HERC1: variants seen among roughly 807,000 people sequenced by gnomAD.
The protein encoded by HERC1 is HECT and RLD domain containing E3 ubiquitin protein ligase family member 1, also known as probable E3 ubiquitin-protein ligase HERC1.
Under a neutral mutation model 554.3 loss-of-function variants are expected in HERC1, and 160 were observed. That is an observed-to-expected ratio of 0.29 (90% CI 0.25 to 0.33). HERC1 has a LOEUF of 0.33. Ranked by LOEUF, HERC1 falls within the 10% of genes least tolerant of loss-of-function variation. HERC1 has a pLI of 1.00. For missense variants in HERC1, 4,919 were observed against 5,918.5 expected, an observed-to-expected ratio of 0.83 and a Z score of 5.54; for synonymous variants, 2,175 against 2,131.7, an observed-to-expected ratio of 1.02 and a Z score of -0.56.
chr15:63,743,933 T>C (rs1349965714), intron 12 of HERC1, among the ~76,000 whole-genome samples: 1 of 152,200 alleles, frequency 6.6e-6, no homozygotes, highest in Non-Finnish European at 1.5e-5. Flanking sequence ...CCCATCCTTC[T>C]TGGGCTTTCC....
intron 1 of HERC1, among the ~76,000 whole-genome samples, chr15:63,786,276 TAAAAAAA>T (rs375937848): frequency 7.9e-6 from 1 of 126,282 alleles, no homozygotes; most frequent in African/African-American, 3.0e-5. Flanking sequence ...ATGTTTCTAT[TAAAAAAA>T]AAAAAAAAAA....
At chr15:63,627,993 A>C (rs1481845419) in intron 70 of HERC1, among the ~76,000 whole-genome samples, 1 of 152,244 alleles carries the variant, frequency 6.6e-6, no homozygotes, top group African/African-American at 2.4e-5. Context: ...TCATGTTTCA[A>C]ATGGTTAACT....
chr15:63,796,964 A>G (rs1477399686), intron 1 of HERC1, among the ~76,000 whole-genome samples: 1 of 152,178 alleles, frequency 6.6e-6, no homozygotes, highest in Non-Finnish European at 1.5e-5. Flanking sequence ...ATTATGAGGC[A>G]TATCTGGCTC....
intron 1 of HERC1, among the ~76,000 whole-genome samples, chr15:63,811,944 A>T (rs925449005): frequency 6.6e-6 from 1 of 152,174 alleles, no homozygotes; most frequent in African/African-American, 2.4e-5. Context: ...TATGTAATAA[A>T]CTCATTCATT....
intron 74 of HERC1, among the ~76,000 whole-genome samples, chr15:63,622,044 A>C (rs1302272545): frequency 6.6e-6 from 1 of 152,078 alleles, no homozygotes; most frequent in East Asian, 1.9e-4. Context: ...GAGCTGCGTA[A>C]TCATTCTGTT....
chr15:63,634,143 T>A (rs1348493817), intron 66 of HERC1, among the ~76,000 whole-genome samples, 173 bp from the exon 67 acceptor site: 1 of 152,230 alleles, frequency 6.6e-6, no homozygotes, highest in African/African-American at 2.4e-5. Context: ...CAAGAAATAA[T>A]TCTTAATGTC....
intron 69 of HERC1, among the ~76,000 whole-genome samples, chr15:63,629,501 T>C (rs1327163471): frequency 6.6e-6 from 1 of 152,154 alleles, no homozygotes; most frequent in African/African-American, 2.4e-5. Context: ...TACAAAAACA[T>C]ATATGGAAGC....
intron 34 of HERC1, among the ~76,000 whole-genome samples, chr15:63,683,358 T>C (rs767325521): frequency 2.6e-5 from 4 of 152,182 alleles, no homozygotes; most frequent in Non-Finnish European, 5.9e-5. Flanking sequence ...GTTTTTGCTA[T>C]GATTTTTTCC....
intron 70 of HERC1, among the ~76,000 whole-genome samples, chr15:63,628,445 G>T (rs1227026157): frequency 6.6e-6 from 1 of 152,174 alleles, no homozygotes; most frequent in African/African-American, 2.4e-5. Flanking sequence ...TAAGTAATAT[G>T]TATTCTGCTT....
chr15:63,619,250 TA>T (rs2067961474), intron 74 of HERC1, among the ~76,000 whole-genome samples: 1 of 152,266 alleles, frequency 6.6e-6, no homozygotes, highest in Non-Finnish European at 1.5e-5. Flanking sequence ...CCTATTGAGA[TA>T]ATCATGTGGT....
At chr15:63,781,225 T>C (rs917212505) in intron 1 of HERC1, among the ~76,000 whole-genome samples, 4 of 152,180 alleles carry the variant, frequency 2.6e-5, no homozygotes, top group African/African-American at 7.2e-5. Flanking sequence ...ACCACAGTAA[T>C]AGAGACTTAA....
intron 30 of HERC1, among the ~76,000 whole-genome samples, 197 bp downstream of exon 30, chr15:63,693,767 C>T (rs1320824109): frequency 6.6e-6 from 1 of 152,114 alleles, no homozygotes; most frequent in Non-Finnish European, 1.5e-5. Flanking sequence ...TGAGGGTTAA[C>T]AGACTCTAAG....
At chr15:63,771,059 A>G (rs548837100) in intron 2 of HERC1, among the ~76,000 whole-genome samples, 62 of 152,088 alleles carry the variant, frequency 4.1e-4, no homozygotes, top group African/African-American at 1.2e-3. Context: ...CATGATAGCA[A>G]GTGCCTGTAA....
chr15:63,637,259 A>G (rs941930318), intron 64 of HERC1: 1 of 556,292 alleles, frequency 1.8e-6, no homozygotes, highest in Non-Finnish European at 3.3e-6. Context: ...TTTGTTTACA[A>G]TCTTCAGTGG....
Position 63,775,385 on chromosome 15 carries a change from T to A in HERC1, c.239A>T (p.Asp80Val). 6.2e-7 allele frequency: 1 copy of A among 1,613,968 alleles called. No individual in the cohort carries two copies. Among genetic ancestry groups the A allele is most frequent in the Non-Finnish European group, 8.5e-7 (1 of 1,179,842 alleles). ...LSSDEQDHYL[D>V]ALLSSQLALA... ...TGCTAGCTGGCTGCTAAGAAGGGCATCCAAATAGTGGTCCTGCTCATCACT... is the reference window on the plus strand; with the variant it reads ...TGCTAGCTGGCTGCTAAGAAGGGCAACCAAATAGTGGTCCTGCTCATCACT... The change falls in exon 2 of 78, where the codon GAT becomes GTT. Residue 80 changes from aspartate (D) to valine (V), a missense_variant. Around this residue, in one of 11 missense-constraint regions of HERC1, gnomAD observed 110 missense variants for 99.3 expected, o/e 1.11. Transcript: ENST00000443617. The surrounding 1 kb of genome is among the most constrained non-coding windows in gnomAD (Gnocchi z 4.0).
At chr15:63,729,047 C>A (rs1324343015) in intron 16 of HERC1, among the ~76,000 whole-genome samples, 189 bp downstream of exon 16, 1 of 151,974 alleles carries the variant, frequency 6.6e-6, no homozygotes, top group Non-Finnish European at 1.5e-5. Flanking sequence ...TCTGTCATGC[C>A]AAGTAGACTC....
At chr15:63,626,557 T>C (rs2068308300) in intron 70 of HERC1, among the ~76,000 whole-genome samples, 1 of 152,210 alleles carries the variant, frequency 6.6e-6, no homozygotes, top group South Asian at 2.1e-4. Context: ...TTCTGGAAAA[T>C]GGAAATGGGA....
At chr15:63,642,741 C>T (rs1390922976) in intron 59 of HERC1, among the ~76,000 whole-genome samples, 1 of 152,172 alleles carries the variant, frequency 6.6e-6, no homozygotes, top group Non-Finnish European at 1.5e-5. Flanking sequence ...AGCACTGTCA[C>T]CAAAGTATGG....
At chr15:63,833,679 C>A (rs1407701025) in intron 1 of HERC1, 148 bp downstream of exon 1, 2 of 152,276 alleles carry the variant, frequency 1.3e-5, no homozygotes, top group Non-Finnish European at 2.9e-5. Context: ...GGGACCCCAG[C>A]AGCCCCGCTC....
Sources: gnomAD v4.1 joint callset for allele counts (sites outside exome capture counted in the v4.1 genomes callset) on GRCh38, gnomAD v4.1.1 for gene constraint, gnomAD v4.1.1 regional missense constraint, Gnocchi (gnomAD v3.1) non-coding constraint, MANE v1.5 for transcripts, NCBI Gene and HGNC (gene_info 2026-07-23, HGNC 2026-07-21) for gene names.